COL28A1: variants seen among roughly 807,000 people sequenced by gnomAD.
The protein encoded by COL28A1 is collagen alpha-1(XXVIII) chain.
In COL28A1, 161 loss-of-function variants were observed where a neutral mutation model predicts 150.2. That is an observed-to-expected ratio of 1.07 (90% CI 0.94 to 1.22). COL28A1 has a LOEUF of 1.22. Among genes scored for constraint, COL28A1 ranks in the 50% most tolerant of loss-of-function variants. The pLI is 0.00. For missense variants in COL28A1, 1,617 were observed against 1,388.3 expected, an observed-to-expected ratio of 1.16 and a Z score of -2.62; for synonymous variants, 552 against 469.7, an observed-to-expected ratio of 1.18 and a Z score of -2.26.
chr7:7,354,399 C>G (rs1780301692), downstream of COL28A1, among the ~76,000 whole-genome samples: 1 of 152,094 alleles, frequency 6.6e-6, no homozygotes, highest in African/African-American at 2.4e-5. Flanking sequence ...GTAAAGAATT[C>G]AGGGCAAGTA....
At chr7:7,498,985 A>G (rs1261146345) in intron 11 of COL28A1, among the ~76,000 whole-genome samples, 1 of 152,140 alleles carries the variant, frequency 6.6e-6, no homozygotes, top group Non-Finnish European at 1.5e-5. Context: ...GGGAATAGAA[A>G]TCATCTACCT....
intron 28 of COL28A1, among the ~76,000 whole-genome samples, 190 bp downstream of exon 28, chr7:7,381,354 G>C (rs1448728861): frequency 6.6e-6 from 1 of 152,150 alleles, no homozygotes; most frequent in Admixed American, 6.5e-5. Context: ...CAAAGAAAAG[G>C]ACATTTTATA....
At chr7:7,444,565 T>A in intron 18 of COL28A1, 76 bp from the exon 19 acceptor site, 1 of 1,411,418 alleles carries the variant, frequency 7.1e-7, no homozygotes, top group South Asian at 1.2e-5. Context: ...GGATGTATCT[T>A]ACAGTGTCTG....
chr7:7,532,057 T>C (rs1782396697), intron 2 of COL28A1, among the ~76,000 whole-genome samples, 153 bp from the exon 3 acceptor site: 1 of 152,130 alleles, frequency 6.6e-6, no homozygotes, highest in African/African-American at 2.4e-5. Context: ...AAGGCTTCAA[T>C]TGTAAAAAAC....
At chr7:7,360,953 C>T (rs918662777) in intron 33 of COL28A1, among the ~76,000 whole-genome samples, 3 of 152,200 alleles carry the variant, frequency 2.0e-5, no homozygotes, top group Non-Finnish European at 2.9e-5. Context: ...TTTCCTAACA[C>T]TAGACGTCTT....
chr7:7,531,286 A>T (rs1782335046), intron 3 of COL28A1, 62 bp downstream of exon 3: 1 of 697,158 alleles, frequency 1.4e-6, no homozygotes, highest in African/African-American at 1.8e-5. Context: ...TTCTTATGGG[A>T]TTTACAACAA....
chr7:7,511,061 C>A, intron 9 of COL28A1, 30 bp downstream of exon 9: 1 of 1,598,364 alleles, frequency 6.3e-7, no homozygotes, highest in Non-Finnish European at 8.6e-7. Context: ...GGGATCACAG[C>A]TGTAAGCAGT....
intron 15 of COL28A1, among the ~76,000 whole-genome samples, chr7:7,462,210 G>A (rs759980936): frequency 2.0e-5 from 3 of 152,156 alleles, no homozygotes; most frequent in African/African-American, 4.8e-5. Flanking sequence ...CACCCCATGG[G>A]ACAAAAGGAA....
intron 14 of COL28A1, among the ~76,000 whole-genome samples, chr7:7,475,080 C>G (rs1277920297): frequency 6.6e-6 from 1 of 152,064 alleles, no homozygotes; most frequent in Non-Finnish European, 1.5e-5. Context: ...AATATGTGAA[C>G]TAATACTTGC....
chr7:7,478,636 G>A (rs1019270743), intron 13 of COL28A1, among the ~76,000 whole-genome samples: 16 of 152,360 alleles, frequency 1.1e-4, no homozygotes, highest in Middle Eastern at 3.4e-3. Flanking sequence ...AGGAGCCCAC[G>A]GCGGGTTGGG....
chr7:7,377,228 A>G (rs1781605142), intron 30 of COL28A1, among the ~76,000 whole-genome samples: 1 of 152,230 alleles, frequency 6.6e-6, no homozygotes, highest in African/African-American at 2.4e-5. Flanking sequence ...GCTTGAAGTT[A>G]CCATATATGT....
downstream of COL28A1, among the ~76,000 whole-genome samples, chr7:7,353,637 C>T (rs972185527): frequency 6.6e-6 from 1 of 152,112 alleles, no homozygotes; most frequent in Non-Finnish European, 1.5e-5. Flanking sequence ...AAGAAAGAGG[C>T]CTTCAGGTTG....
chr7:7,370,807 G>T lies in COL28A1; in HGVS notation c.2984C>A (p.Ser995Ter). ...DSYLVQIFGS[S>*]SPQPGFGMSG... ...CATCCCAAATCCAGGTTGAGGTGACGATGAACCAAAAATTTGAACGAGATA... is the reference window on the plus strand; with the variant it reads ...CATCCCAAATCCAGGTTGAGGTGACTATGAACCAAAAATTTGAACGAGATA... The change falls in exon 33 of 35, where the codon TCG becomes TAG. Residue 995 changes from serine (S) to a stop codon, truncating the protein, a stop_gained. Transcript: ENST00000399429. LOFTEE classifies it high-confidence loss of function. 1 of 1,613,436 alleles carries T rather than the reference G, an allele frequency of 6.2e-7. No homozygotes were observed. Among genetic ancestry groups the T allele is most frequent in the Non-Finnish European group, 8.5e-7 (1 of 1,179,540 alleles).
intron 27 of COL28A1, among the ~76,000 whole-genome samples, chr7:7,382,566 AC>A (rs1231942191): frequency 6.6e-6 from 1 of 152,178 alleles, no homozygotes; most frequent in African/African-American, 2.4e-5. Flanking sequence ...AGAAACAATC[AC>A]TAGCAAGTAT....
chr7:7,499,465 G>A (rs745893048), intron 11 of COL28A1, among the ~76,000 whole-genome samples: 1 of 152,156 alleles, frequency 6.6e-6, no homozygotes, highest in East Asian at 1.9e-4. Flanking sequence ...ATTCTGTTAA[G>A]AGAATTGTGA....
At chr7:7,485,976 G>T (rs868775428) in intron 13 of COL28A1, among the ~76,000 whole-genome samples, 1 of 152,070 alleles carries the variant, frequency 6.6e-6, no homozygotes, top group Non-Finnish European at 1.5e-5. Context: ...AAATAGCCCT[G>T]TCCAAGTCTA....
intron 27 of COL28A1, among the ~76,000 whole-genome samples, chr7:7,411,079 C>G (rs910906004): frequency 2.0e-5 from 3 of 152,112 alleles, no homozygotes; most frequent in African/African-American, 7.2e-5. Context: ...TTGGCAGGCT[C>G]CATGTGAGAT....
At chr7:7,395,188 G>C (rs1228720304) in intron 27 of COL28A1, among the ~76,000 whole-genome samples, 1 of 152,140 alleles carries the variant, frequency 6.6e-6, no homozygotes, top group Non-Finnish European at 1.5e-5. Flanking sequence ...AGCTACTTGG[G>C]AGGCTGAGGC....
intron 13 of COL28A1, among the ~76,000 whole-genome samples, chr7:7,482,667 G>A (rs939846254): frequency 6.6e-6 from 1 of 151,840 alleles, no homozygotes; most frequent in Non-Finnish European, 1.5e-5. Flanking sequence ...ATTATGACTT[G>A]GAAAGCAAGC....
Sources: allele counts gnomAD v4.1 joint callset (sites outside exome capture counted in the v4.1 genomes callset), GRCh38; gene constraint gnomAD v4.1.1; transcripts MANE v1.5; gene names NCBI Gene and HGNC (gene_info 2026-07-23, HGNC 2026-07-21).